HDHD2: variants seen among roughly 807,000 people sequenced by gnomAD.
HDHD2 encodes haloacid dehalogenase like hydrolase domain containing 2.
A neutral mutation model predicts 24.8 loss-of-function variants in HDHD2; 26 were observed. The observed-to-expected ratio is 1.05, with a 90% CI of 0.77 to 1.45. The LOEUF is 1.45. HDHD2 is among the 40% of genes most tolerant of loss of function. The pLI is 0.00. For missense variants in HDHD2, 299 were observed against 313.4 expected, an observed-to-expected ratio of 0.95 and a Z score of 0.35; for synonymous variants, 128 against 114.9, an observed-to-expected ratio of 1.11 and a Z score of -0.73.
chr18:47,121,612 A>G (rs1046448341), intron 4 of HDHD2, among the ~76,000 whole-genome samples: 1 of 152,194 alleles, frequency 6.6e-6, no homozygotes, highest in Admixed American at 6.5e-5. Flanking sequence ...AGATGTGATC[A>G]TGTCCCTCCC....
At position 47,110,309 on chromosome 18, in the gene HDHD2, A is replaced by G. The variant is rs559586202; in HGVS notation, c.677-1524T>C. ...CAGCATCAAATGTACAAAGGTAATT[A>G]ATATATACCTCACTCTCGTTAGCAC... On this transcript the variant is annotated intron_variant, in intron 6 of 6. Coordinates refer to ENST00000300605, the MANE Select transcript of HDHD2 (RefSeq NM_032124.5). 4.1e-6 allele frequency: 4 copies of G among 985,392 alleles called. No individual in the cohort carries two copies. In the Admixed American group the frequency reaches 2.5e-4, roughly 61 times the overall value. The allele number at this position is 985,392 out of a possible 1,614,324, so 61.0% of individuals were successfully genotyped here.
intron 5 of HDHD2, among the ~76,000 whole-genome samples, chr18:47,114,626 T>TA: frequency 6.6e-6 from 1 of 152,128 alleles, no homozygotes; most frequent in Admixed American, 6.5e-5. Flanking sequence ...CATCCCAGGC[T>TA]CAGCCCTGCC....
In HDHD2 at chr18:47,113,062, A is replaced by AT. The variant is rs766036004; in HGVS notation, c.613-23dup. On this transcript the variant is annotated intron_variant, in intron 5 of 6. Transcript: ENST00000300605. ...AATCCTAGAAAAGCATAAAGAAAGC[A>AT]TTTAGTCCAGTGTCTTCAGTAAGCT... The AT allele has an allele frequency of 5.0e-6, 8 of 1,610,428 alleles. No individual in the cohort carries two copies. In the East Asian group the frequency reaches 1.6e-4, roughly 31 times the overall value.
chr18:47,113,039 T>A lies in HDHD2; in HGVS notation c.614A>T (p.Asp205Val), dbSNP rs1489252226. 1.9e-6 allele frequency: 3 copies of A among 1,613,992 alleles called. No individual in the cohort carries two copies. Among genetic ancestry groups the A allele is most frequent in the Non-Finnish European group, 2.5e-6 (3 of 1,179,912 alleles). ...AGCCCCACCAACATCATCCCTGCAATCCTAGAAAAGCATAAAGAAAGCATT... is the reference window on the plus strand; with the variant it reads ...AGCCCCACCAACATCATCCCTGCAAACCTAGAAAAGCATAAAGAAAGCATT... ...EPEEAVMIGD[D>V]CRDDVGGAQD... Residue 205 changes from aspartate to valine, a missense_variant and splice_region_variant, in exon 6 of 7, where the codon GAT (aspartate) becomes GTT (valine). Coordinates refer to ENST00000300605, the MANE Select transcript of HDHD2 (RefSeq NM_032124.5).
At chr18:47,132,946 A>G (rs1705289181) in intron 3 of HDHD2, among the ~76,000 whole-genome samples, 1 of 152,210 alleles carries the variant, frequency 6.6e-6, no homozygotes. Flanking sequence ...TGGTGCCTGC[A>G]TTGAGGATTA....
At chr18:47,125,965 C>T (rs967135571) in intron 4 of HDHD2, among the ~76,000 whole-genome samples, 7 of 152,156 alleles carry the variant, frequency 4.6e-5, no homozygotes, top group African/African-American at 1.2e-4. Context: ...GAGCTGCCTG[C>T]TAAATATATC....
At chr18:47,123,008 A>G (rs527844107) in intron 4 of HDHD2, among the ~76,000 whole-genome samples, 1 of 152,338 alleles carries the variant, frequency 6.6e-6, no homozygotes, top group East Asian at 1.9e-4. Flanking sequence ...GAAGTAAGAT[A>G]AGGCTATCTA....
At chr18:47,137,769 A>G (rs1436394871) in intron 1 of HDHD2, among the ~76,000 whole-genome samples, 1 of 152,056 alleles carries the variant, frequency 6.6e-6, no homozygotes, top group African/African-American at 2.4e-5. Flanking sequence ...CGTAGCTGTT[A>G]CGTATAGGGC....
rs943188238 is a variant in HDHD2, at chr18:47,131,604, G to T, written c.311-1276C>A. On this transcript the variant is annotated intron_variant, in intron 3 of 6. Transcript: ENST00000300605. ...AATATGTATTATTTAAAAGAAAAAA[G>T]GAGTTCGTAACTGTATTTCCTATTC... Among the ~76,000 whole-genome samples, 10 of 152,194 alleles carry T rather than the reference G, an allele frequency of 6.6e-5. No homozygotes were observed. In the East Asian group the frequency reaches 1.9e-3, roughly 29 times the overall value.
intron 3 of HDHD2, among the ~76,000 whole-genome samples, chr18:47,132,790 G>GA (rs2063725422): frequency 6.6e-6 from 1 of 152,124 alleles, no homozygotes; most frequent in Non-Finnish European, 1.5e-5. Context: ...TATTCTTTCA[G>GA]AATCGGTTGA....
chr18:47,124,971 C>T (rs2144320646), intron 4 of HDHD2, among the ~76,000 whole-genome samples: 1 of 152,104 alleles, frequency 6.6e-6, no homozygotes, highest in South Asian at 2.1e-4. Flanking sequence ...TTGAGAACAG[C>T]CAGCAACACA....
At chr18:47,140,148 A>G (rs2063806665) in intron 1 of HDHD2, among the ~76,000 whole-genome samples, 1 of 152,178 alleles carries the variant, frequency 6.6e-6, no homozygotes, top group Non-Finnish European at 1.5e-5. Flanking sequence ...AATTTTCGTG[A>G]TTTATTTTGC....
intron 4 of HDHD2, among the ~76,000 whole-genome samples, chr18:47,118,749 A>G (rs1333929503): frequency 2.0e-5 from 3 of 152,238 alleles, no homozygotes; most frequent in African/African-American, 4.8e-5. Context: ...ATTTAGAGCC[A>G]CAGAATATTA....
chr18:47,114,730 T>C (rs940113147), intron 5 of HDHD2, among the ~76,000 whole-genome samples: 35 of 152,082 alleles, frequency 2.3e-4, no homozygotes, highest in Admixed American at 1.3e-4. Context: ...AAAAAAACAA[T>C]AGTGGTAGAA....
chr18:47,148,743 T>A (rs936361858), intron 1 of HDHD2, among the ~76,000 whole-genome samples: 1 of 152,252 alleles, frequency 6.6e-6, no homozygotes, highest in Non-Finnish European at 1.5e-5. Context: ...TCATCGTTTT[T>A]AAAACTACCT....
Position 47,113,024 on chromosome 18 carries a change from A to T in HDHD2, c.629T>A (p.Val210Asp). 6.2e-7 allele frequency: 1 copy of T among 1,614,062 alleles called. No homozygotes were observed. The highest frequency in any genetic ancestry group is 8.5e-7 in the Non-Finnish European group (1 of 1,179,932). The change falls in exon 6 of 7, where the codon GTT (valine) becomes GAT (aspartate). Residue 210 changes from valine (V) to aspartate (D), a missense_variant. By Grantham distance (152) the Val-to-Asp change is radical (BLOSUM62 -3). Coordinates refer to ENST00000300605, the MANE Select transcript of HDHD2 (RefSeq NM_032124.5). The part of the protein sequence containing the change: ...VMIGDDCRDD[V>D]GGAQDVGMLG... ...CATGCCGACATCTTGAGCCCCACCA[A>T]CATCATCCCTGCAATCCTAGAAAAG...
At chr18:47,127,692 CAG>C (rs1171588386) in intron 4 of HDHD2, among the ~76,000 whole-genome samples, 1 of 130,460 alleles carries the variant, frequency 7.7e-6, no homozygotes, top group African/African-American at 2.9e-5. Flanking sequence ...GCCTGGATGA[CAG>C]AGCGAGACTT....
chr18:47,130,152 A>T (rs898083218), intron 4 of HDHD2, 92 bp downstream of exon 4: 3 of 736,192 alleles, frequency 4.1e-6, no homozygotes, highest in African/African-American at 1.8e-5. Context: ...GTGGCCAGAA[A>T]GTAAAACACA....
At chr18:47,110,677 A>T (rs993522536) in intron 6 of HDHD2, 31 of 985,214 alleles carry the variant, frequency 3.1e-5, no homozygotes, top group Non-Finnish European at 3.3e-5. Context: ...GAGTGAATGG[A>T]GCTGCCTGCA....
Sources: gnomAD v4.1 joint callset for allele counts (sites outside exome capture counted in the v4.1 genomes callset) on GRCh38, gnomAD v4.1.1 for gene constraint, MANE v1.5 for transcripts, NCBI Gene and HGNC (gene_info 2026-07-23, HGNC 2026-07-21) for gene names.